The following HTR7 variants were observed in gnomAD, a reference collection of about 807,000 sequenced individuals.
The protein encoded by HTR7 is 5-HT-7.
A neutral mutation model predicts 34.0 loss-of-function variants in HTR7; 16 were observed. The observed-to-expected ratio is 0.47, with a 90% CI of 0.32 to 0.71. HTR7 has a LOEUF of 0.71. HTR7 is among the 30% of genes least tolerant of loss of function. HTR7 has a pLI of 0.04. For synonymous variants in HTR7, 265 were observed against 260.2 expected (o/e 1.02, Z -0.18); for missense variants, 504 against 625.5 (o/e 0.81, Z 2.07).
At position 90,856,920 on chromosome 10, in the gene HTR7, A is replaced by G. The variant is rs558107711; in HGVS notation, c.539+213T>C. On this transcript the variant is annotated intron_variant, in intron 1 of 3. Transcript: ENST00000336152. ...AAATTCGTCACTACAGTAAACCAGAACATTTCCGGTTTTTCTTTTAAAGAT... is the reference window on the plus strand; with the variant it reads ...AAATTCGTCACTACAGTAAACCAGAGCATTTCCGGTTTTTCTTTTAAAGAT... Among the ~76,000 whole-genome samples, 7 of 152,336 alleles carry G rather than the reference A, an allele frequency of 4.6e-5. 1 individual carries two copies. The East Asian group carries it at 1.3e-3, about 29-fold the overall frequency.
intron 1 of HTR7, among the ~76,000 whole-genome samples, chr10:90,830,499 T>A (rs1390743109): frequency 6.6e-6 from 1 of 152,128 alleles, no homozygotes; most frequent in African/African-American, 2.4e-5. Context: ...ATAGAAAGAT[T>A]TGGCCAGCCA....
intron 1 of HTR7, among the ~76,000 whole-genome samples, chr10:90,790,292 G>A (rs1845443775): frequency 6.6e-6 from 1 of 152,110 alleles, no homozygotes. Flanking sequence ...TGTGCTGCCT[G>A]GTTAACTTTG....
intron 1 of HTR7, among the ~76,000 whole-genome samples, chr10:90,781,490 A>C (rs113518182): frequency 0.017 from 2,604 of 152,334 alleles, 86 homozygotes; most frequent in African/African-American, 0.058. Context: ...CACAAGATCC[A>C]GAAGACATCA....
At chr10:90,831,021 C>T (rs954085754) in intron 1 of HTR7, among the ~76,000 whole-genome samples, 26 of 152,136 alleles carry the variant, frequency 1.7e-4, no homozygotes, top group Non-Finnish European at 5.9e-5. Flanking sequence ...CTCTCTATAC[C>T]GTGGTTTTCT....
rs563507678 is a variant in HTR7 at position 90,763,802 on chromosome 10, T to C, written c.540-14208A>G. The stretch of plus-strand genomic sequence containing the variant: ...CCTGCAAAGGACATGATCTCATTCT[T>C]TTTTATGGCTGCATAGTATTCCATG... On this transcript the variant is annotated intron_variant, in intron 1 of 3. Transcript: ENST00000336152. 2.1e-3 allele frequency among the ~76,000 whole-genome samples: 327 copies of C among 152,340 alleles called. 1 individual carries two copies. Among genetic ancestry groups the C allele is most frequent in the Middle Eastern group, 0.014 (4 of 294 alleles).
chr10:90,748,725 T>C, intron 2 of HTR7, 114 bp downstream of exon 2: 6 of 1,172,558 alleles, frequency 5.1e-6, no homozygotes, highest in Non-Finnish European at 6.0e-6. Flanking sequence ...AAATCTGGTA[T>C]GTTTAGTAAA....
intron 1 of HTR7, among the ~76,000 whole-genome samples, chr10:90,806,612 T>C (rs1023650428): frequency 6.8e-5 from 10 of 146,632 alleles, no homozygotes; most frequent in African/African-American, 2.5e-4. Context: ...AAAAACAAAA[T>C]AAAAAAATTT....
At chr10:90,815,208 C>T (rs1461243307) in intron 1 of HTR7, among the ~76,000 whole-genome samples, 3 of 151,936 alleles carry the variant, frequency 2.0e-5, no homozygotes, top group African/African-American at 7.3e-5. Context: ...TCTCCTGCCT[C>T]AGCCTCATGA....
chr10:90,778,422 T>A (rs1845253294), intron 1 of HTR7, among the ~76,000 whole-genome samples: 1 of 152,140 alleles, frequency 6.6e-6, no homozygotes, highest in Non-Finnish European at 1.5e-5. Context: ...CACCGAGTGA[T>A]GCTCTGCACC....
intron 1 of HTR7, among the ~76,000 whole-genome samples, chr10:90,762,748 T>C (rs1844960346): frequency 6.6e-6 from 1 of 152,146 alleles, no homozygotes; most frequent in South Asian, 2.1e-4. Context: ...TGTTTTCTTC[T>C]TGGAGTTTTA....
chr10:90,756,182 T>C (rs1844830504), intron 1 of HTR7, among the ~76,000 whole-genome samples: 1 of 152,198 alleles, frequency 6.6e-6, no homozygotes, highest in African/African-American at 2.4e-5. Flanking sequence ...GAATGGCAGT[T>C]ACCTCCGGGG....
chr10:90,833,339 C>A (rs1200431879), intron 1 of HTR7, among the ~76,000 whole-genome samples: 1 of 152,170 alleles, frequency 6.6e-6, no homozygotes, highest in Non-Finnish European at 1.5e-5. Context: ...CCATATTTTA[C>A]ATTCCCTTCT....
rs188628214 is a variant in HTR7 at position 90,776,576 on chromosome 10, T to C, written c.540-26982A>G. Reference sequence around the variant, plus strand: ...TGATTTAGTCATACAGGTAATTTCCTAAACTTCATACCTCACATGTCACAT... The same window carrying C: ...TGATTTAGTCATACAGGTAATTTCCCAAACTTCATACCTCACATGTCACAT... On this transcript the variant is annotated intron_variant, in intron 1 of 3. Transcript: ENST00000336152. Among the ~76,000 whole-genome samples, 19 of 152,366 alleles carry C rather than the reference T, an allele frequency of 1.2e-4. No individual in the cohort carries two copies. In the East Asian group the frequency reaches 3.7e-3, roughly 29 times the overall value.
intron 1 of HTR7, among the ~76,000 whole-genome samples, chr10:90,782,746 C>A (rs1845323618): frequency 6.6e-6 from 1 of 152,204 alleles, no homozygotes; most frequent in Non-Finnish European, 1.5e-5. Context: ...TTGACATGTA[C>A]AATTTTCTAA....
At chr10:90,830,951 T>C (rs1175348579) in intron 1 of HTR7, among the ~76,000 whole-genome samples, 1 of 152,218 alleles carries the variant, frequency 6.6e-6, no homozygotes, top group Admixed American at 6.5e-5. Flanking sequence ...AAGAGGTCAG[T>C]CCGGTGCACC....
chr10:90,791,814 A>G (rs79577354), intron 1 of HTR7, among the ~76,000 whole-genome samples: 2,470 of 152,258 alleles, frequency 0.016, 83 homozygotes, highest in African/African-American at 0.055. Flanking sequence ...ACAAACATGA[A>G]AATTATTCCA....
chr10:90,793,486 G>C (rs889005651), intron 1 of HTR7, among the ~76,000 whole-genome samples: 22 of 145,666 alleles, frequency 1.5e-4, no homozygotes, highest in East Asian at 5.9e-4. Context: ...AGTATAGATA[G>C]TGAAAATAAA....
rs540969381 is a variant in HTR7, at chr10:90,808,726, T to C, written c.539+48407A>G. 2.1e-4 allele frequency among the ~76,000 whole-genome samples: 32 copies of C among 152,074 alleles called. No homozygotes were observed. In the East Asian group the frequency reaches 5.8e-3, roughly 28 times the overall value. ...CAACCTTCCACCCTCCATTCCTCCT[T>C]CTTCTCCCTTAGCCTGTGTTCTCAA... On this transcript the variant is annotated intron_variant, in intron 1 of 3. Coordinates refer to ENST00000336152, the MANE Select transcript of HTR7 (RefSeq NM_019859.4).
At chr10:90,770,074 C>A (rs1248361116) in intron 1 of HTR7, among the ~76,000 whole-genome samples, 1 of 152,242 alleles carries the variant, frequency 6.6e-6, no homozygotes, top group Non-Finnish European at 1.5e-5. Flanking sequence ...CCAGACGGAA[C>A]CTGCCCCCAG....
Sources: allele counts gnomAD v4.1 joint callset (sites outside exome capture counted in the v4.1 genomes callset), GRCh38; gene constraint gnomAD v4.1.1; transcripts MANE v1.5; gene names NCBI Gene and HGNC (gene_info 2026-07-23, HGNC 2026-07-21).